Variants in APOO observed in about 807,000 individuals in gnomAD.
APOO encodes apolipoprotein O, also known as MICOS complex subunit MIC26.
Under a neutral mutation model 23.1 loss-of-function variants are expected in APOO, and 11 were observed. The observed-to-expected ratio is 0.48, with a 90% confidence interval of 0.30 to 0.79. The LOEUF (loss-of-function observed/expected upper bound fraction) is 0.79. Ranked by LOEUF, APOO falls within the 30% of genes least tolerant of loss-of-function variation. The probability of loss-of-function intolerance (pLI) is 0.07; values close to 1 mark genes in which losing one functional copy is unlikely to be tolerated. For synonymous variants in APOO, 59 were observed against 54.8 expected (o/e 1.08, Z -0.34); for missense variants, 160 against 142.7 (o/e 1.12, Z -0.62).
intron 7 of APOO, among the ~76,000 whole-genome samples, chrX:23,848,852 A>ATTTT (rs773306111): frequency 3.1e-5 from 2 of 63,630 alleles, no homozygotes; most frequent in African/African-American, 1.3e-4. Context: ...TGCGCGGCTG[A>ATTTT]TTTTTTTTTT....
chrX:23,850,303 T>C (rs1248285780), intron 7 of APOO, among the ~76,000 whole-genome samples: 1 of 112,005 alleles, frequency 8.9e-6, no homozygotes, highest in Non-Finnish European at 1.9e-5. Flanking sequence ...GGAAATAAAG[T>C]AAAGCCACAT....
At chrX:23,874,568 C>T (rs1601917763) in intron 3 of APOO, 111 bp from the exon 4 acceptor site, 3 of 660,629 alleles carry the variant, frequency 4.5e-6, no homozygotes, top group Middle Eastern at 3.4e-4. Flanking sequence ...GTTATTAACG[C>T]TTTTTGAACA....
chrX:23,836,469 C>G (rs1046623088), intron 8 of APOO, among the ~76,000 whole-genome samples: 1 of 111,611 alleles, frequency 9.0e-6, no homozygotes, highest in Non-Finnish European at 1.9e-5. Context: ...CGCACGCCAC[C>G]ATGTCTGGCT....
In APOO at chrX:23,895,052, C is replaced by T. The variant is rs139766031; in HGVS notation, c.9+12642G>A. On this transcript the variant is annotated intron_variant, in intron 1 of 8. Coordinates refer to ENST00000379226, the MANE Select transcript of APOO (RefSeq NM_024122.5). ...ACTCAGGAGGCTGAGGCAGGAGAAT[C>T]GCTCGAACCCAGGAGGCAAAAGGCT... 3.7e-3 allele frequency among the ~76,000 whole-genome samples: 403 copies of T among 108,805 alleles called. 1 individual carries two copies. The highest frequency in any genetic ancestry group is 0.012 in the African/African-American group (354 of 29,852). The allele number at this position is 108,805 out of a possible 115,157, so 94.5% of individuals were successfully genotyped here. A position where few individuals can be genotyped will look rare whatever the true frequency, so the allele number is the denominator to read the frequency against.
At chrX:23,878,797 T>G in intron 3 of APOO, 118 bp downstream of exon 3, 1 of 931,421 alleles carries the variant, frequency 1.1e-6, no homozygotes, top group South Asian at 2.9e-5. Flanking sequence ...TCCCAGCCTC[T>G]GTCAACCATC....
intron 5 of APOO, among the ~76,000 whole-genome samples, chrX:23,862,773 CAGAAA>C (rs771908325): frequency 7.0e-4 from 67 of 95,430 alleles, no homozygotes; most frequent in Non-Finnish European, 5.2e-4. Flanking sequence ...GATCATCTCT[CAGAAA>C]GAAAAGAGAA....
intron 3 of APOO, among the ~76,000 whole-genome samples, chrX:23,874,796 T>C (rs1334823608): frequency 2.7e-5 from 3 of 111,824 alleles, no homozygotes; most frequent in Non-Finnish European, 5.6e-5. Context: ...CTTTTCTCCA[T>C]GAGATTAAAC....
chrX:23,848,599 A>G (rs1363198011), intron 7 of APOO, among the ~76,000 whole-genome samples: 1 of 112,092 alleles, frequency 8.9e-6, no homozygotes, highest in African/African-American at 3.2e-5. Context: ...CTGGGTAACT[A>G]GTAGATAAGA....
intron 6 of APOO, 94 bp downstream of exon 6, chrX:23,858,548 T>C: frequency 3.4e-6 from 3 of 881,641 alleles, no homozygotes; most frequent in Non-Finnish European, 4.8e-6. Flanking sequence ...AGTCTGGTGT[T>C]ATAAGAACTG....
At chrX:23,862,657 C>T (rs759506656) in intron 5 of APOO, among the ~76,000 whole-genome samples, 37 of 104,180 alleles carry the variant, frequency 3.6e-4, no homozygotes, top group Admixed American at 3.3e-3. Context: ...CCTATAGTCG[C>T]AGCTACTCAG....
chrX:23,850,516 A>C (rs1924484925), intron 7 of APOO, among the ~76,000 whole-genome samples: 1 of 111,866 alleles, frequency 8.9e-6, no homozygotes, highest in Non-Finnish European at 1.9e-5. Context: ...GGAGCCACCA[A>C]CATGGGTATT....
chrX:23,841,800 G>A (rs1329049446), intron 7 of APOO, among the ~76,000 whole-genome samples: 2 of 110,437 alleles, frequency 1.8e-5, no homozygotes, highest in African/African-American at 6.6e-5. Flanking sequence ...GCTGTTGCTC[G>A]AAATTGACAA....
chrX:23,881,447 C>A (rs1173228771), intron 1 of APOO, among the ~76,000 whole-genome samples: 3 of 105,085 alleles, frequency 2.9e-5, no homozygotes, highest in African/African-American at 1.0e-4. Context: ...ACTCAGGAGA[C>A]TGAGGTGGGA....
intron 8 of APOO, among the ~76,000 whole-genome samples, chrX:23,833,833 G>A (rs1325070732): frequency 9.1e-6 from 1 of 109,357 alleles, no homozygotes. Flanking sequence ...AATACAAAAA[G>A]ATTGGCTGGG....
intron 5 of APOO, among the ~76,000 whole-genome samples, chrX:23,861,158 T>C (rs28621072): frequency 0.28 from 31,093 of 109,314 alleles, 3,344 homozygotes; most frequent in South Asian, 0.44. Context: ...TCATGTTAAA[T>C]TGTAATCCCC....
At chrX:23,853,323 TG>T (rs200836822) in intron 7 of APOO, among the ~76,000 whole-genome samples, 3 of 108,857 alleles carry the variant, frequency 2.8e-5, no homozygotes, top group East Asian at 2.9e-4. Flanking sequence ...AAATCTAAAG[TG>T]GGGGGGGTGA....
At chrX:23,899,614 T>G (rs1041280600) in intron 1 of APOO, among the ~76,000 whole-genome samples, 6 of 112,119 alleles carry the variant, frequency 5.4e-5, no homozygotes, top group Admixed American at 9.5e-5. Context: ...TTGGGGAAAA[T>G]CAACTGATAC....
At chrX:23,899,272 T>C (rs1175821314) in intron 1 of APOO, among the ~76,000 whole-genome samples, 1 of 112,601 alleles carries the variant, frequency 8.9e-6, no homozygotes, top group South Asian at 3.6e-4. Context: ...TGCATAAAGC[T>C]GTATCAGGAA....
intron 1 of APOO, among the ~76,000 whole-genome samples, 190 bp from the exon 2 acceptor site, chrX:23,881,142 T>C (rs1000055829): frequency 6.3e-5 from 7 of 110,763 alleles, no homozygotes; most frequent in Admixed American, 5.8e-4. Context: ...TGGCGTGATC[T>C]CAGCTCACTG....
Sources: allele counts gnomAD v4.1 joint callset (sites outside exome capture counted in the v4.1 genomes callset), GRCh38; gene constraint gnomAD v4.1.1; transcripts MANE v1.5; gene names NCBI Gene and HGNC (gene_info 2026-07-23, HGNC 2026-07-21).